FHIT: variants seen among roughly 807,000 people sequenced by gnomAD.
FHIT encodes the protein bis(5'-adenosyl)-triphosphatase.
A neutral mutation model predicts 17.9 loss-of-function variants in FHIT; 19 were observed. The observed-to-expected ratio is 1.06, with a 90% CI of 0.74 to 1.56. The LOEUF (loss-of-function observed/expected upper bound fraction) is 1.56, where lower values mean the gene tolerates loss of function less well. Ranked by LOEUF, FHIT falls within the 40% of genes most tolerant of loss-of-function variation. The pLI is 0.00. For synonymous variants in FHIT, 81 were observed against 69.7 expected (o/e 1.16, Z -0.81); for missense variants, 248 against 189.2 (o/e 1.31, Z -1.82).
chr3:60,398,889 A>C, intron 5 of FHIT, among the ~76,000 whole-genome samples: 1 of 578 alleles, frequency 1.7e-3, no homozygotes, highest in South Asian at 0.5. Flanking sequence ...TAAAAATAAT[A>C]AAAAAAATTT....
chr3:60,551,679 G>C (rs765000116), intron 4 of FHIT, among the ~76,000 whole-genome samples: 5 of 146,746 alleles, frequency 3.4e-5, no homozygotes, highest in Non-Finnish European at 6.0e-5. Flanking sequence ...AAATGCCTGA[G>C]CCTGGGAAGT....
intron 3 of FHIT, among the ~76,000 whole-genome samples, chr3:61,000,860 T>C (rs2031030247): frequency 6.6e-6 from 1 of 152,072 alleles, no homozygotes; most frequent in Non-Finnish European, 1.5e-5. Context: ...GCCCCTACTC[T>C]ACCACTAGGG....
intron 2 of FHIT, among the ~76,000 whole-genome samples, chr3:61,083,975 T>C (rs1414061459): frequency 6.6e-6 from 1 of 152,220 alleles, no homozygotes; most frequent in Non-Finnish European, 1.5e-5. Flanking sequence ...TGTTTTTTCA[T>C]GTCCTGTTTA....
chr3:60,593,699 C>T (rs994536701), intron 4 of FHIT, among the ~76,000 whole-genome samples: 1 of 152,208 alleles, frequency 6.6e-6, no homozygotes, highest in Admixed American at 6.5e-5. Context: ...ATTGATCTCT[C>T]CTATGAACAA....
chr3:59,752,955 T>C (rs1287167895), intron 8 of FHIT, among the ~76,000 whole-genome samples: 5 of 152,154 alleles, frequency 3.3e-5, no homozygotes, highest in Admixed American at 2.6e-4. Context: ...TGGGATGAAG[T>C]GGGGGAATGG....
At chr3:60,385,366 A>G (rs1700968278) in intron 5 of FHIT, among the ~76,000 whole-genome samples, 1 of 152,222 alleles carries the variant, frequency 6.6e-6, no homozygotes, top group South Asian at 2.1e-4. Context: ...ACAACTGTTA[A>G]GTGTACAAAT....
At chr3:60,508,132 T>A (rs550399516) in intron 5 of FHIT, among the ~76,000 whole-genome samples, 82 of 152,256 alleles carry the variant, frequency 5.4e-4, no homozygotes, top group African/African-American at 2.0e-3. Flanking sequence ...AGACAATAAA[T>A]AAGCTGAGTG....
intron 4 of FHIT, among the ~76,000 whole-genome samples, chr3:60,678,396 T>A (rs2040671095): frequency 6.6e-6 from 1 of 152,322 alleles, no homozygotes; most frequent in Middle Eastern, 3.4e-3. Flanking sequence ...CAACTGCATG[T>A]TATTATAGAG....
intron 3 of FHIT, among the ~76,000 whole-genome samples, chr3:60,853,872 C>T (rs1703256578): frequency 6.6e-6 from 1 of 152,114 alleles, no homozygotes; most frequent in Non-Finnish European, 1.5e-5. Context: ...TACACAAAAA[C>T]ACCTGATTTT....
intron 2 of FHIT, among the ~76,000 whole-genome samples, chr3:61,163,044 G>C (rs944920880): frequency 6.6e-6 from 1 of 152,084 alleles, no homozygotes; most frequent in East Asian, 1.9e-4. Context: ...TTGGACTAAG[G>C]CTATCAATTT....
At chr3:59,760,316 T>C (rs1701444087) in intron 8 of FHIT, among the ~76,000 whole-genome samples, 1 of 152,130 alleles carries the variant, frequency 6.6e-6, no homozygotes, top group Non-Finnish European at 1.5e-5. Context: ...TGCTGGAAAA[T>C]AATTATGCCA....
At chr3:60,202,019 CAA>C (rs1471514535) in intron 5 of FHIT, among the ~76,000 whole-genome samples, 1 of 152,074 alleles carries the variant, frequency 6.6e-6, no homozygotes, top group Non-Finnish European at 1.5e-5. Context: ...ACTCCAGGAA[CAA>C]AGAGGAGAAA....
chr3:60,156,194 A>C (rs927095571), intron 5 of FHIT, among the ~76,000 whole-genome samples: 1 of 151,872 alleles, frequency 6.6e-6, no homozygotes, highest in Admixed American at 6.6e-5. Flanking sequence ...TCTACTAAAA[A>C]TACAAAAATT....
chr3:60,961,634 GC>G (rs1709450691), intron 3 of FHIT, among the ~76,000 whole-genome samples: 2 of 152,148 alleles, frequency 1.3e-5, no homozygotes. Context: ...TCCAGTTTCA[GC>G]TTTCTACATA....
At chr3:60,442,293 T>C (rs1350080581) in intron 5 of FHIT, among the ~76,000 whole-genome samples, 3 of 152,114 alleles carry the variant, frequency 2.0e-5, no homozygotes, top group African/African-American at 7.2e-5. Flanking sequence ...TTACATAGAA[T>C]CAAAAGAACT....
chr3:60,878,667 G>A (rs1410893793), intron 3 of FHIT, among the ~76,000 whole-genome samples: 2 of 151,878 alleles, frequency 1.3e-5, no homozygotes, highest in African/African-American at 2.4e-5. Context: ...AGGCCCCGGT[G>A]TGTGATGTTC....
At chr3:60,191,294 A>T (rs1429447131) in intron 5 of FHIT, among the ~76,000 whole-genome samples, 2 of 152,170 alleles carry the variant, frequency 1.3e-5, no homozygotes, top group African/African-American at 4.8e-5. Flanking sequence ...AAAGCTATAG[A>T]AAAAGGGATA....
At chr3:59,906,719 T>C (rs545880556) in intron 8 of FHIT, among the ~76,000 whole-genome samples, 60 of 152,342 alleles carry the variant, frequency 3.9e-4, no homozygotes, top group African/African-American at 1.3e-3. Context: ...TCTCTTCACA[T>C]AGTCTTTCCT....
chr3:61,054,716 A>T (rs1286001138), intron 2 of FHIT, among the ~76,000 whole-genome samples: 3 of 152,066 alleles, frequency 2.0e-5, no homozygotes, highest in African/African-American at 4.8e-5. Flanking sequence ...TGCCTAAGAG[A>T]ACACTGGTCT....
Sources: gnomAD v4.1 joint callset for allele counts (sites outside exome capture counted in the v4.1 genomes callset) on GRCh38, gnomAD v4.1.1 for gene constraint, MANE v1.5 for transcripts, NCBI Gene and HGNC (gene_info 2026-07-23, HGNC 2026-07-21) for gene names.